CAPN8: variants seen among roughly 807,000 people sequenced by gnomAD.
The protein encoded by CAPN8 is calpain-8.
In CAPN8, 87 loss-of-function variants were observed where a neutral mutation model predicts 80.9. The ratio of observed to expected loss-of-function variants is 1.07; its 90% CI spans 0.90 to 1.28. The LOEUF (loss-of-function observed/expected upper bound fraction) is 1.28, where lower values mean the gene tolerates loss of function less well. Ranked by LOEUF, CAPN8 falls within the 50% of genes most tolerant of loss-of-function variation. The pLI is 0.00. For missense variants in CAPN8, 757 were observed against 702.0 expected (o/e 1.08, Z -0.89); for synonymous variants, 299 against 273.8 (o/e 1.09, Z -0.91).
intron 1 of CAPN8, among the ~76,000 whole-genome samples, chr1:223,661,176 A>AG (rs1571745947): frequency 6.6e-6 from 1 of 151,878 alleles, no homozygotes; most frequent in African/African-American, 2.4e-5. Flanking sequence ...AAAAAAAAAA[A>AG]AAAAAAGGCA....
rs554959179 is a variant in CAPN8 at position 223,629,007 on chromosome 1, C to T, written c.308-227G>A. The stretch of plus-strand genomic sequence containing the variant: ...GATCCTCTGCTCCTCCCTGTGGCTG[C>T]CCCCTCCCCCACATGCTGATCATTT... On this transcript the variant is annotated intron_variant, in intron 2 of 20. Coordinates refer to ENST00000366872, the MANE Select transcript of CAPN8 (RefSeq NM_001143962.2). The T allele has an allele frequency of 1.5e-5, 8 of 525,746 alleles. 1 individual carries two copies. In the South Asian group the frequency reaches 1.7e-4, roughly 11 times the overall value. The allele number at this position is 525,746 out of a possible 1,614,324, so 32.6% of individuals were successfully genotyped here.
chr1:223,553,198 C>T (rs1439037925), intron 14 of CAPN8, among the ~76,000 whole-genome samples: 1 of 152,096 alleles, frequency 6.6e-6, no homozygotes, highest in African/African-American at 2.4e-5. Context: ...CATTTCAAGT[C>T]CTGGTTATGC....
intron 1 of CAPN8, among the ~76,000 whole-genome samples, chr1:223,664,939 CA>C (rs1345159836): frequency 6.6e-6 from 1 of 151,578 alleles, no homozygotes; most frequent in East Asian, 1.9e-4. Context: ...GACTCTGCCT[CA>C]AAAAAAATAA....
chr1:223,645,352 C>T (rs1483816493), intron 2 of CAPN8, among the ~76,000 whole-genome samples: 1 of 152,168 alleles, frequency 6.6e-6, no homozygotes, highest in African/African-American at 2.4e-5. Context: ...TCTCCTTTGG[C>T]AACACCCACA....
Position 223,543,053 on chromosome 1 carries a change from C to G in CAPN8, c.2088+55G>C, listed in dbSNP as rs574658077. 145 of 1,545,242 alleles carry G rather than the reference C, an allele frequency of 9.4e-5. No homozygotes were observed. In the South Asian group the frequency reaches 1.6e-3, roughly 17 times the overall value. On this transcript the variant is annotated intron_variant, in intron 20 of 20. Coordinates refer to ENST00000366872, the MANE Select transcript of CAPN8 (RefSeq NM_001143962.2). The stretch of plus-strand genomic sequence containing the variant: ...AAGCATCACTTGGCAGCTACATGGT[C>G]CAAGAATTTCAGAGTACCATCAGCC...
intron 16 of CAPN8, among the ~76,000 whole-genome samples, chr1:223,546,078 T>G (rs1287936529): frequency 6.6e-6 from 1 of 150,736 alleles, no homozygotes; most frequent in African/African-American, 2.4e-5. Flanking sequence ...ATGATCTGCC[T>G]GCCTCAGCCT....
intron 9 of CAPN8, among the ~76,000 whole-genome samples, 156 bp downstream of exon 9, chr1:223,619,137 T>C (rs1657297784): frequency 6.6e-6 from 1 of 152,118 alleles, no homozygotes; most frequent in Non-Finnish European, 1.5e-5. Context: ...GAGGTTGTGA[T>C]GAGCAGAGAT....
At chr1:223,664,798 G>T (rs145394039) in intron 1 of CAPN8, among the ~76,000 whole-genome samples, 3 of 152,294 alleles carry the variant, frequency 2.0e-5, no homozygotes, top group African/African-American at 7.2e-5. Flanking sequence ...CATTAGCTGG[G>T]TGTGGTGGCA....
intron 9 of CAPN8, 64 bp from the exon 10 acceptor site, chr1:223,616,209 G>A: frequency 2.0e-6 from 3 of 1,478,254 alleles, no homozygotes; most frequent in Non-Finnish European, 2.7e-6. Context: ...GAAGAATAAA[G>A]TAAAAGGGAA....
At chr1:223,627,894 T>G (rs1365144271) in intron 4 of CAPN8, 115 bp downstream of exon 4, 1 of 1,267,956 alleles carries the variant, frequency 7.9e-7, no homozygotes, top group African/African-American at 1.5e-5. Flanking sequence ...GTCTGGATGC[T>G]GGGAAAGACG....
chr1:223,544,868 T>A lies in CAPN8; in HGVS notation c.1834-18A>T, dbSNP rs1440206599. The A allele has an allele frequency of 2.6e-6, 4 of 1,551,278 alleles. No homozygotes were observed. Among genetic ancestry groups the A allele is most frequent in the Non-Finnish European group, 3.5e-6 (4 of 1,146,980 alleles). ...TAGATCTCCTAAAGCAGGAAAGAAA[T>A]CCCAAGTAGAAAACAACCATTCACG... On this transcript the variant is annotated intron_variant, in intron 17 of 20. Coordinates refer to ENST00000366872, the MANE Select transcript of CAPN8 (RefSeq NM_001143962.2).
chr1:223,647,829 A>C (rs1025518455), intron 2 of CAPN8, among the ~76,000 whole-genome samples: 5 of 152,240 alleles, frequency 3.3e-5, no homozygotes, highest in African/African-American at 1.2e-4. Context: ...TGTCATGAAC[A>C]AAAGATTTGG....
chr1:223,609,233 C>G lies in CAPN8; in HGVS notation c.1455G>C (p.Leu485=). ...GRARLPPGEY[L]VVPSTFEPFK... ...AGGGTTCAAATGTGGATGGCACCAC[C>G]AGGTACTCCCCAGGGGGCAGCCGGG... is the stretch of plus-strand genomic sequence containing the variant. The change falls in exon 12 of 21, where the codon CTG becomes CTC. Residue 485 remains leucine (L), a synonymous_variant. Coordinates refer to ENST00000366872, the MANE Select transcript of CAPN8 (RefSeq NM_001143962.2). 2.5e-6 allele frequency: 1 copy of G among 398,512 alleles called. No homozygotes were observed. The highest frequency in any genetic ancestry group is 4.4e-6 in the Non-Finnish European group (1 of 226,090). The allele number at this position is 398,512 out of a possible 1,614,324, so 24.7% of individuals were successfully genotyped here.
Position 223,544,858 on chromosome 1 carries a change from A to G in CAPN8, c.1834-8T>C. On this transcript the variant is annotated splice_polypyrimidine_tract_variant and splice_region_variant and intron_variant, in intron 17 of 20. Transcript: ENST00000366872. ...AGTTTCCCAATAGATCTCCTAAAGC[A>G]GGAAAGAAATCCCAAGTAGAAAACA... 6.4e-7 allele frequency: 1 copy of G among 1,551,660 alleles called. No homozygotes were observed. Among genetic ancestry groups the G allele is most frequent in the Non-Finnish European group, 8.7e-7 (1 of 1,146,996 alleles).
At chr1:223,623,823 A>G (rs1178253051) in intron 6 of CAPN8, among the ~76,000 whole-genome samples, 2 of 152,004 alleles carry the variant, frequency 1.3e-5, no homozygotes, top group Non-Finnish European at 2.9e-5. Flanking sequence ...GTGAAACCCC[A>G]TCTCTACTAA....
At chr1:223,662,599 T>A (rs1354832838) in intron 1 of CAPN8, among the ~76,000 whole-genome samples, 1 of 152,202 alleles carries the variant, frequency 6.6e-6, no homozygotes, top group Admixed American at 6.5e-5. Context: ...GATGGTTGCA[T>A]AGCAATGGGA....
chr1:223,543,435 A>G (rs1019316565), intron 19 of CAPN8, among the ~76,000 whole-genome samples: 1 of 152,206 alleles, frequency 6.6e-6, no homozygotes, highest in African/African-American at 2.4e-5. Flanking sequence ...CTCCATCCTC[A>G]GAAGCTTTAT....
intron 13 of CAPN8, among the ~76,000 whole-genome samples, chr1:223,557,457 T>G (rs886953889): frequency 3.9e-5 from 6 of 152,152 alleles, no homozygotes; most frequent in Non-Finnish European, 7.4e-5. Context: ...CAGTGCCCAC[T>G]GGCCACAGAC....
At chr1:223,633,055 G>A (rs1022714001) in intron 2 of CAPN8, among the ~76,000 whole-genome samples, 3 of 152,208 alleles carry the variant, frequency 2.0e-5, no homozygotes, top group Non-Finnish European at 2.9e-5. Context: ...AGCACAGTGT[G>A]AGTCTAGCTC....
Sources: gnomAD v4.1 joint callset for allele counts (sites outside exome capture counted in the v4.1 genomes callset) on GRCh38, gnomAD v4.1.1 for gene constraint, MANE v1.5 for transcripts, NCBI Gene and HGNC (gene_info 2026-07-23, HGNC 2026-07-21) for gene names.